Variants in RBM43 observed in about 807,000 individuals in gnomAD.
The protein encoded by RBM43 is RNA binding motif protein 43.
A neutral mutation model predicts 12.4 loss-of-function variants in RBM43; 12 were observed. The ratio of observed to expected loss-of-function variants is 0.97; its 90% CI spans 0.62 to 1.57. The LOEUF (loss-of-function observed/expected upper bound fraction) is 1.57. Among genes scored for constraint, RBM43 ranks in the 40% most tolerant of loss-of-function variants. The pLI, the probability that RBM43 is intolerant of heterozygous loss-of-function variation, is 0.00. For missense variants in RBM43, 348 were observed against 400.1 expected (o/e 0.87, Z 1.11); for synonymous variants, 138 against 145.7 (o/e 0.95, Z 0.38).
At position 151,249,075 on chromosome 2, in the gene RBM43, C is replaced by T. The variant is rs1682857325; in HGVS notation, c.*1831G>A. The stretch of plus-strand genomic sequence containing the variant: ...GAGAGTTCTGTCCAAGAGATACTTA[C>T]TGGAGGGAGAAAGGATTACCTGTGA... On this transcript the variant is annotated 3_prime_UTR_variant, in exon 4 of 4. Coordinates refer to ENST00000331426, the MANE Select transcript of RBM43 (RefSeq NM_198557.3). 6.6e-6 allele frequency: 1 copy of T among 152,008 alleles called. No individual in the cohort carries two copies. Among genetic ancestry groups the T allele is most frequent in the African/African-American group, 2.4e-5 (1 of 41,358 alleles). The allele number at this position is 152,008 out of a possible 1,614,324, so 9.4% of individuals were successfully genotyped here.
At chr2:151,253,557 C>T (rs563967005) in intron 2 of RBM43, among the ~76,000 whole-genome samples, 5 of 152,266 alleles carry the variant, frequency 3.3e-5, no homozygotes, top group Non-Finnish European at 7.4e-5. Context: ...CCCGAATACC[C>T]ACCAGTTCTT....
intron 2 of RBM43, 148 bp downstream of exon 2, chr2:151,255,385 T>G: frequency 1.8e-6 from 1 of 551,078 alleles, no homozygotes; most frequent in Non-Finnish European, 3.2e-6. Context: ...GCCACCGCAC[T>G]CTAACCTGGG....
intron 1 of RBM43, 82 bp downstream of exon 1, chr2:151,261,643 C>G (rs1023869108): frequency 6.4e-7 from 1 of 1,556,258 alleles, no homozygotes; most frequent in African/African-American, 1.4e-5. Context: ...CCGTCGCGCC[C>G]GGTTCCGCGC....
Position 151,247,972 on chromosome 2 carries a change from A to G in RBM43, c.*2934T>C, listed in dbSNP as rs537016938. On this transcript the variant is annotated 3_prime_UTR_variant, in exon 4 of 4. Coordinates refer to ENST00000331426, the MANE Select transcript of RBM43 (RefSeq NM_198557.3). ...ATTAAAACTTTTATTTTAGAATTTT[A>G]GTCATGATATAGTAAAACACGTAAA... 4.9e-4 allele frequency: 75 copies of G among 152,312 alleles called. No homozygotes were observed. Among genetic ancestry groups the G allele is most frequent in the African/African-American group, 1.7e-3 (72 of 41,588 alleles). 9.4% of individuals were successfully genotyped at this position (152,312 alleles called of 1,614,324 possible).
chr2:151,255,973 CTTTT>C (rs934034765), intron 1 of RBM43, among the ~76,000 whole-genome samples: 2 of 151,512 alleles, frequency 1.3e-5, no homozygotes, highest in Admixed American at 6.6e-5. Context: ...TTCTTTTTTT[CTTTT>C]TTGAGATGGA....
intron 1 of RBM43, among the ~76,000 whole-genome samples, chr2:151,259,976 C>A (rs2105194372): frequency 6.6e-6 from 1 of 152,144 alleles, no homozygotes; most frequent in African/African-American, 2.4e-5. Flanking sequence ...AGCGATTCTC[C>A]TGCCCCAGCC....
chr2:151,261,753 G>A lies in RBM43; in HGVS notation c.-26C>T, dbSNP rs1441364569. 1 of 1,600,790 alleles carries A rather than the reference G, an allele frequency of 6.2e-7. No homozygotes were observed. The highest frequency in any genetic ancestry group is 8.5e-7 in the Non-Finnish European group (1 of 1,174,210). On this transcript the variant is annotated 5_prime_UTR_variant, in exon 1 of 4. Transcript: ENST00000331426. ...GGCGGAGGGGAGACGCGCCCTCAGC[G>A]GCCGCAGAAAGCCCACAACCAGCGG...
Position 151,252,801 on chromosome 2 carries a change from T to A in RBM43, c.269A>T (p.His90Leu). Residue 90 changes from histidine to leucine, a missense_variant, in exon 3 of 4, where the codon CAT becomes CTT. Transcript: ENST00000331426. ...TCTGAGAGAGACTGTGAGTTCAGCA[T>A]GTCTAGTCTTCCTTGCTAGCCAGTG... The part of the protein sequence containing the change: ...KKHWLARKTR[H>L]AELTVSLRVS... 1 of 1,612,114 alleles carries A rather than the reference T, an allele frequency of 6.2e-7. No homozygotes were observed. Among genetic ancestry groups the A allele is most frequent in the Non-Finnish European group, 8.5e-7 (1 of 1,178,288 alleles).
chr2:151,252,270 C>T (rs1682912201), intron 3 of RBM43, among the ~76,000 whole-genome samples: 1 of 152,100 alleles, frequency 6.6e-6, no homozygotes, highest in African/African-American at 2.4e-5. Flanking sequence ...CCCCTGTAAT[C>T]CCAGCACTTT....
Position 151,251,534 on chromosome 2 carries a change from C to A in RBM43, c.446G>T (p.Arg149Ile), listed in dbSNP as rs1171028268. 25 of 1,614,144 alleles carry A rather than the reference C, an allele frequency of 1.5e-5. No homozygotes were observed. Among genetic ancestry groups the A allele is most frequent in the Non-Finnish European group, 1.9e-5 (23 of 1,180,008 alleles). ...CAGAAATGATCCTTCCACGGAGATT[C>A]TTCCATTGGGTTTCAAAGGACTGAA... ...LSFSPLKPNG[R>I]ISVEGSFLAV... Residue 149 changes from arginine (R) to isoleucine (I), a missense_variant, in exon 4 of 4, where the codon AGA (arginine) becomes ATA (isoleucine). Physicochemically the swap from Arg to Ile is moderately conservative, Grantham distance 97. Transcript: ENST00000331426.
In RBM43 at chr2:151,252,870, T is replaced by A; in HGVS notation, c.215-15A>T. The A allele has an allele frequency of 1.4e-6, 2 of 1,419,732 alleles. No homozygotes were observed. The highest frequency in any genetic ancestry group is 2.0e-6 in the Non-Finnish European group (2 of 1,006,748). 87.9% of individuals were successfully genotyped at this position (1,419,732 alleles called of 1,614,324 possible). ...ATTCTCTGCAACTAAGTGGAAACAC[T>A]GGCATCAGAAGTGTTTATGGCATGA... On this transcript the variant is annotated splice_polypyrimidine_tract_variant and intron_variant, in intron 2 of 3. Transcript: ENST00000331426.
rs372075520 is a variant in RBM43 at position 151,261,736 on chromosome 2, G to A, written c.-9C>T. On this transcript the variant is annotated 5_prime_UTR_variant, in exon 1 of 4. Coordinates refer to ENST00000331426, the MANE Select transcript of RBM43 (RefSeq NM_198557.3). ...CAAAAGCAACTTGCCATGGCGGAGGGGAGACGCGCCCTCAGCGGCCGCAGA... is the reference window on the plus strand; with the variant it reads ...CAAAAGCAACTTGCCATGGCGGAGGAGAGACGCGCCCTCAGCGGCCGCAGA... 52 of 1,602,706 alleles carry A rather than the reference G, an allele frequency of 3.2e-5. No homozygotes were observed. The African/African-American group carries it at 4.7e-4, about 14-fold the overall frequency.
Position 151,250,841 on chromosome 2 carries a change from T to C in RBM43, c.*65A>G, listed in dbSNP as rs1339803933. The C allele has an allele frequency of 6.7e-6, 8 of 1,197,122 alleles. No homozygotes were observed. The East Asian group carries it at 9.4e-5, about 14-fold the overall frequency. 74.2% of individuals were successfully genotyped at this position (1,197,122 alleles called of 1,614,324 possible). A position where few individuals can be genotyped will look rare whatever the true frequency, so the allele number is the denominator to read the frequency against. ...GATACGGTGTGTAAAGCTAGCCTCA[T>C]TCATGGCAATGGTCACTGCTCAGCA... On this transcript the variant is annotated 3_prime_UTR_variant, in exon 4 of 4. Coordinates refer to ENST00000331426, the MANE Select transcript of RBM43 (RefSeq NM_198557.3).
rs529621902 is a variant in RBM43 at position 151,249,634 on chromosome 2, C to G, written c.*1272G>C. On this transcript the variant is annotated 3_prime_UTR_variant, in exon 4 of 4. Coordinates refer to ENST00000331426, the MANE Select transcript of RBM43 (RefSeq NM_198557.3). ...TCCTGACCTTGTGATCCACCCGCCTCGGCCTCCCAAAGTGCTGGGATTACA... is the reference window on the plus strand; with the variant it reads ...TCCTGACCTTGTGATCCACCCGCCTGGGCCTCCCAAAGTGCTGGGATTACA... 1 of 152,338 alleles carries G rather than the reference C, an allele frequency of 6.6e-6. No individual in the cohort carries two copies. Among genetic ancestry groups the G allele is most frequent in the Non-Finnish European group, 1.5e-5 (1 of 68,112 alleles). 9.4% of individuals were successfully genotyped at this position (152,338 alleles called of 1,614,324 possible).
intron 1 of RBM43, among the ~76,000 whole-genome samples, chr2:151,257,286 G>A (rs1257464397): frequency 6.6e-6 from 1 of 151,418 alleles, no homozygotes; most frequent in Non-Finnish European, 1.5e-5. Flanking sequence ...CAGGAAGACA[G>A]TGTAAGAGCA....
chr2:151,255,883 G>A, intron 1 of RBM43, 140 bp from the exon 2 acceptor site: 1 of 636,332 alleles, frequency 1.6e-6, no homozygotes, highest in South Asian at 1.9e-5. Context: ...AAGGGGTGTA[G>A]GGGAGTAAAT....
rs764946522 is a variant in RBM43, at chr2:151,250,974, C to T, written c.1006G>A (p.Gly336Arg). 2 of 1,612,480 alleles carry T rather than the reference C, an allele frequency of 1.2e-6. No individual in the cohort carries two copies. Among genetic ancestry groups the T allele is most frequent in the Non-Finnish European group, 1.7e-6 (2 of 1,179,118 alleles). The change falls in exon 4 of 4, where the codon GGA (glycine) becomes AGA (arginine). Residue 336 changes from glycine (G) to arginine (R), a missense_variant. By Grantham distance (125) the Gly-to-Arg change is moderately radical (BLOSUM62 -2). Transcript: ENST00000331426. The stretch of plus-strand genomic sequence containing the variant: ...AACAGGTAAGTGTCAGAAGAAGATC[C>T]TATAATGTCAATGTGTGTCCTATAA... ...NLYRTHIDII[G>R]SSSDTYLFKK...
At position 151,248,902 on chromosome 2, in the gene RBM43, A is replaced by G. The variant is rs1682854680; in HGVS notation, c.*2004T>C. 1 of 152,236 alleles carries G rather than the reference A, an allele frequency of 6.6e-6. No homozygotes were observed. The highest frequency in any genetic ancestry group is 6.5e-5 in the Admixed American group (1 of 15,282). The allele number at this position is 152,236 out of a possible 1,614,324, so 9.4% of individuals were successfully genotyped here. On this transcript the variant is annotated 3_prime_UTR_variant, in exon 4 of 4. Transcript: ENST00000331426. Reference sequence around the variant, plus strand: ...ATAAGCCTTCTCCAAAGAAAGGGAAAAATTCCCTCATCCAAGCCTCAAGGT... The same window carrying G: ...ATAAGCCTTCTCCAAAGAAAGGGAAGAATTCCCTCATCCAAGCCTCAAGGT...
At chr2:151,257,333 AACAC>A (rs796208600) in intron 1 of RBM43, among the ~76,000 whole-genome samples, 5 of 140,436 alleles carry the variant, frequency 3.6e-5, no homozygotes, top group African/African-American at 5.4e-5. Flanking sequence ...CACACACACA[AACAC>A]ACACACACAC....
Sources: allele counts gnomAD v4.1 joint callset (sites outside exome capture counted in the v4.1 genomes callset), GRCh38; gene constraint gnomAD v4.1.1; transcripts MANE v1.5; gene names NCBI Gene and HGNC (gene_info 2026-07-23, HGNC 2026-07-21).